Variants in CERT1 observed in about 807,000 individuals in gnomAD.
CERT1 encodes the protein ceramide transporter 1, also known as ceramide transfer protein.
A neutral mutation model predicts 87.9 loss-of-function variants in CERT1; 31 were observed. The observed-to-expected ratio is 0.35, with a 90% CI of 0.27 to 0.48. The LOEUF is 0.48. Ranked by LOEUF, CERT1 falls within the 20% of genes least tolerant of loss-of-function variation. The pLI is 0.99. For synonymous variants in CERT1, 289 were observed against 250.9 expected (o/e 1.15, Z -1.44); for missense variants, 487 against 758.0 (o/e 0.64, Z 4.20).
intron 2 of CERT1, among the ~76,000 whole-genome samples, chr5:75,473,289 G>C (rs1765799565): frequency 2.0e-5 from 3 of 152,040 alleles, no homozygotes; most frequent in African/African-American, 7.2e-5. Flanking sequence ...GCTATGCTAT[G>C]CTGCTCAAGC....
In CERT1 at chr5:75,425,494, G is replaced by C; in HGVS notation, c.462C>G (p.Gly154=). The C allele has an allele frequency of 6.2e-7, 1 of 1,612,304 alleles. No homozygotes were observed. The change falls in exon 5 of 17, where the codon GGC becomes GGG. Residue 154 remains glycine, a synonymous_variant. Transcript: ENST00000643780. ...CAGCCAACTTCTCACGTAAACTGTGGCCTTTCTGCAAAACATAAAATAGGG... is the reference window on the plus strand; with the variant it reads ...CAGCCAACTTCTCACGTAAACTGTGCCCTTTCTGCAAAACATAAAATAGGG... ...SATSTSSFKK[G]HSLREKLAEM... is the part of the protein sequence containing the mutation.
At chr5:75,494,522 G>T (rs545224505) in intron 2 of CERT1, among the ~76,000 whole-genome samples, 1 of 152,220 alleles carries the variant, frequency 6.6e-6, no homozygotes, top group South Asian at 2.1e-4. Context: ...AGACACCCAC[G>T]ATTTTTTTCT....
At chr5:75,433,878 G>A (rs1315472527) in intron 3 of CERT1, among the ~76,000 whole-genome samples, 1 of 152,110 alleles carries the variant, frequency 6.6e-6, no homozygotes, top group Non-Finnish European at 1.5e-5. Context: ...ATTGGTTCTA[G>A]GAGCCTTTGG....
intron 5 of CERT1, among the ~76,000 whole-genome samples, chr5:75,422,761 T>C (rs190876699): frequency 3.3e-5 from 5 of 152,266 alleles, no homozygotes; most frequent in Admixed American, 1.3e-4. Context: ...TGGCTGTTAT[T>C]TGGAGACAAG....
intron 3 of CERT1, among the ~76,000 whole-genome samples, chr5:75,437,396 G>A (rs1342741601): frequency 6.6e-6 from 1 of 152,172 alleles, no homozygotes; most frequent in African/African-American, 2.4e-5. Flanking sequence ...TACGAGTTTA[G>A]TACACTTGTA....
intron 2 of CERT1, among the ~76,000 whole-genome samples, chr5:75,487,624 TAAG>T (rs979293690): frequency 6.6e-6 from 1 of 151,954 alleles, no homozygotes; most frequent in African/African-American, 2.4e-5. Flanking sequence ...GAGAAGTCTA[TAAG>T]AAGAAATCTA....
At chr5:75,392,434 A>G (rs990118603) in intron 11 of CERT1, among the ~76,000 whole-genome samples, 24 of 152,230 alleles carry the variant, frequency 1.6e-4, no homozygotes, top group South Asian at 2.1e-4. Flanking sequence ...AAACTCTGCA[A>G]AACTTTCATC....
At chr5:75,483,695 C>A (rs1022624889) in intron 2 of CERT1, among the ~76,000 whole-genome samples, 5 of 151,844 alleles carry the variant, frequency 3.3e-5, no homozygotes, top group African/African-American at 1.2e-4. Flanking sequence ...AAATAAAGTG[C>A]TGAAAAAAAC....
At chr5:75,464,633 T>C (rs1412972061) in intron 2 of CERT1, among the ~76,000 whole-genome samples, 1 of 152,136 alleles carries the variant, frequency 6.6e-6, no homozygotes, top group Non-Finnish European at 1.5e-5. Flanking sequence ...TAGGCTGGAG[T>C]GGTGCAATCT....
At chr5:75,500,143 C>T (rs1488527674) in intron 2 of CERT1, among the ~76,000 whole-genome samples, 2 of 152,038 alleles carry the variant, frequency 1.3e-5, no homozygotes, top group Non-Finnish European at 2.9e-5. Flanking sequence ...CCAGCAAACA[C>T]CAGATGTAAG....
intron 8 of CERT1, among the ~76,000 whole-genome samples, chr5:75,405,683 T>C (rs766138726): frequency 6.6e-6 from 1 of 152,194 alleles, no homozygotes; most frequent in Non-Finnish European, 1.5e-5. Context: ...TTATATACAA[T>C]AAGATATTTT....
At chr5:75,421,707 C>A (rs1763384925) in intron 5 of CERT1, among the ~76,000 whole-genome samples, 1 of 152,162 alleles carries the variant, frequency 6.6e-6, no homozygotes, top group Admixed American at 6.5e-5. Flanking sequence ...CTGGCATAAT[C>A]CCATAAAGAT....
chr5:75,503,872 T>A (rs115226841), intron 2 of CERT1, among the ~76,000 whole-genome samples: 6,304 of 40,496 alleles, frequency 0.16, 148 homozygotes, highest in Middle Eastern at 0.19. Flanking sequence ...ATTTAAATTT[T>A]TTGTTTAATT....
At chr5:75,505,734 T>G in intron 2 of CERT1, 1 of 260,714 alleles carries the variant, frequency 3.8e-6, no homozygotes, top group Non-Finnish European at 7.1e-6. Context: ...CAAACATTTT[T>G]TTTTCCTGAA....
At position 75,406,239 on chromosome 5, in the gene CERT1, C is replaced by G. The variant is rs78474804; in HGVS notation, c.931-3181G>C. Among the ~76,000 whole-genome samples, 506 of 152,282 alleles carry G rather than the reference C, an allele frequency of 3.3e-3. 2 individuals are homozygous for G. Among genetic ancestry groups the G allele is most frequent in the East Asian group, 0.031 (162 of 5,182 alleles). ...CTTCCAAAGAGAATTACTTTCAGTT[C>G]CCCTGAGGAAAAATATTATTTTGCT... On this transcript the variant is annotated intron_variant, in intron 8 of 16. Transcript: ENST00000643780.
intron 2 of CERT1, among the ~76,000 whole-genome samples, chr5:75,487,265 AC>A (rs749895947): frequency 2.0e-5 from 3 of 152,118 alleles, no homozygotes; most frequent in Non-Finnish European, 2.9e-5. Flanking sequence ...TGCTAGGAAA[AC>A]TGGATATTCA....
intron 2 of CERT1, among the ~76,000 whole-genome samples, chr5:75,462,046 T>C (rs556375659): frequency 6.6e-6 from 1 of 152,322 alleles, no homozygotes; most frequent in South Asian, 2.1e-4. Context: ...TTAAAAAATA[T>C]TGCAATAAAA....
chr5:75,483,701 A>C (rs971589064), intron 2 of CERT1, among the ~76,000 whole-genome samples: 2 of 152,180 alleles, frequency 1.3e-5, no homozygotes, highest in Non-Finnish European at 2.9e-5. Context: ...AGTGCTGAAA[A>C]AAACTTTTAT....
chr5:75,454,481 AT>A (rs2112292788), intron 3 of CERT1, among the ~76,000 whole-genome samples: 1 of 152,348 alleles, frequency 6.6e-6, no homozygotes, highest in East Asian at 1.9e-4. Context: ...AATTCAAAAG[AT>A]TTTCTTATTT....
Sources: gnomAD v4.1 joint callset for allele counts (sites outside exome capture counted in the v4.1 genomes callset) on GRCh38, gnomAD v4.1.1 for gene constraint, MANE v1.5 for transcripts, NCBI Gene and HGNC (gene_info 2026-07-23, HGNC 2026-07-21) for gene names.